ZNF532: variants seen among roughly 807,000 people sequenced by gnomAD.
ZNF532 encodes zinc finger protein 532.
Under a neutral mutation model 89.3 loss-of-function variants are expected in ZNF532, and 22 were observed. The ratio of observed to expected loss-of-function variants is 0.25; its 90% CI spans 0.18 to 0.35. The LOEUF (loss-of-function observed/expected upper bound fraction) is 0.35. Among genes scored for constraint, ZNF532 ranks in the 10% least tolerant of loss-of-function variants. The probability of loss-of-function intolerance (pLI) is 1.00; values close to 1 mark genes in which losing one functional copy is unlikely to be tolerated. For missense variants in ZNF532, 1,132 were observed against 1,643.4 expected (o/e 0.69, Z 5.38); for synonymous variants, 606 against 649.6 (o/e 0.93, Z 1.02).
At chr18:58,964,450 T>C (rs1165670034) in intron 7 of ZNF532, among the ~76,000 whole-genome samples, 1 of 152,198 alleles carries the variant, frequency 6.6e-6, no homozygotes, top group Non-Finnish European at 1.5e-5. Context: ...TAAGAGTTTG[T>C]ATATTCATGC....
chr18:58,980,574 T>C (rs1286531504), intron 8 of ZNF532: 2 of 152,256 alleles, frequency 1.3e-5, no homozygotes, highest in African/African-American at 4.8e-5. Context: ...AAGAGACTTT[T>C]TGTCCTTCCC....
intron 2 of ZNF532, among the ~76,000 whole-genome samples, chr18:58,888,724 T>TATA (rs753186648): frequency 0.018 from 669 of 37,784 alleles, 37 homozygotes; most frequent in African/African-American, 0.053. Context: ...TATATATATA[T>TATA]AAATTATATA....
chr18:58,965,937 C>G (rs2065877085), intron 7 of ZNF532, among the ~76,000 whole-genome samples: 1 of 152,078 alleles, frequency 6.6e-6, no homozygotes, highest in African/African-American at 2.4e-5. Flanking sequence ...TTTCTTGACT[C>G]CAGGAGTTAT....
At position 58,948,961 on chromosome 18, in the gene ZNF532, G is replaced by GT. The variant is rs146408442; in HGVS notation, c.2868+738dup. On this transcript the variant is annotated intron_variant, in intron 6 of 9. Coordinates refer to ENST00000591808, the MANE Select transcript of ZNF532 (RefSeq NM_001375912.1). The stretch of plus-strand genomic sequence containing the variant: ...TATTGGTATATTTAGAAAAATGAAG[G>GT]TTTTTTCCCTTGAAATTATTTAAGC... Among the ~76,000 whole-genome samples, 237 of 151,922 alleles carry GT rather than the reference G, an allele frequency of 1.6e-3. 1 individual carries two copies. The highest frequency in any genetic ancestry group is 5.3e-3 in the African/African-American group (218 of 41,430).
At chr18:58,939,260 A>AAC (rs1555737200) in intron 4 of ZNF532, among the ~76,000 whole-genome samples, 185 bp from the exon 5 acceptor site, 1 of 148,798 alleles carries the variant, frequency 6.7e-6, no homozygotes, top group African/African-American at 2.5e-5. Flanking sequence ...AAAAAAAAAA[A>AAC]AAAAAAAAAA....
intron 3 of ZNF532, chr18:58,931,588 C>T (rs943390884): frequency 2.6e-5 from 4 of 152,066 alleles, no homozygotes; most frequent in Admixed American, 6.5e-5. Flanking sequence ...CTATTGATAC[C>T]ATGCAAGCAT....
In ZNF532 at chr18:58,920,009, G is replaced by T. The variant is rs138145916; in HGVS notation, c.1722G>T (p.Ser574=). Residue 574 remains serine, a synonymous_variant, in exon 3 of 10, where the codon TCG becomes TCT. Transcript: ENST00000591808. ...PKKVSRVQVV[S]SLQSSVVEAF... is the part of the protein sequence containing the mutation. ...AGGTGTCTCGAGTCCAGGTGGTGTCGTCCTTGCAGAGTTCTGTGGTGGAAG... is the reference window on the plus strand; with the variant it reads ...AGGTGTCTCGAGTCCAGGTGGTGTCTTCCTTGCAGAGTTCTGTGGTGGAAG... 6.2e-7 allele frequency: 1 copy of T among 1,613,636 alleles called. No homozygotes were observed. The highest frequency in any genetic ancestry group is 8.5e-7 in the Non-Finnish European group (1 of 1,179,714).
chr18:58,899,775 T>G (rs1468407936), intron 2 of ZNF532, among the ~76,000 whole-genome samples: 2 of 152,186 alleles, frequency 1.3e-5, no homozygotes, highest in Admixed American at 1.3e-4. Context: ...CCTGAAACAC[T>G]CTTTTTAGTC....
At chr18:58,912,967 G>T (rs540372985) in intron 2 of ZNF532, among the ~76,000 whole-genome samples, 1 of 152,084 alleles carries the variant, frequency 6.6e-6, no homozygotes, top group African/African-American at 2.4e-5. Flanking sequence ...CATGTCCCCA[G>T]CTGGTTTAGG....
chr18:58,956,878 A>G (rs1217259424), intron 7 of ZNF532, among the ~76,000 whole-genome samples: 1 of 152,192 alleles, frequency 6.6e-6, no homozygotes, highest in Non-Finnish European at 1.5e-5. Context: ...TTTCTGTCCT[A>G]GAAACATTTA....
intron 6 of ZNF532, among the ~76,000 whole-genome samples, chr18:58,951,943 G>A (rs1003039202): frequency 4.6e-5 from 7 of 152,088 alleles, no homozygotes; most frequent in African/African-American, 7.2e-5. Context: ...GCCACTGCGC[G>A]TGGCCCACCT....
intron 2 of ZNF532, among the ~76,000 whole-genome samples, chr18:58,885,785 C>T (rs182256940): frequency 2.1e-3 from 320 of 150,550 alleles, no homozygotes; most frequent in African/African-American, 7.3e-3. Context: ...ACCCGGGAGG[C>T]GGAGGTTGCA....
chr18:58,929,360 CTG>C lies in ZNF532; in HGVS notation c.2347-5071_2347-5070del, dbSNP rs138185978. On this transcript the variant is annotated intron_variant, in intron 3 of 9. Transcript: ENST00000591808. Reference sequence around the variant, plus strand: ...GGGCATCGTTAATACAACATACTAACTGTATTCTCGTGAGCAGCCTCTGCTGG... The same window carrying C: ...GGGCATCGTTAATACAACATACTAACTATTCTCGTGAGCAGCCTCTGCTGG... Among the ~76,000 whole-genome samples, 866 of 152,318 alleles carry C rather than the reference CTG, an allele frequency of 5.7e-3. 1 individual carries two copies. The highest frequency in any genetic ancestry group is 0.01 in the Middle Eastern group (3 of 294).
chr18:58,974,706 C>G (rs1484168953), intron 7 of ZNF532, among the ~76,000 whole-genome samples: 1 of 152,190 alleles, frequency 6.6e-6, no homozygotes, highest in Non-Finnish European at 1.5e-5. Context: ...GGGCCTCCCT[C>G]TCAACTGTGG....
intron 6 of ZNF532, 31 bp downstream of exon 6, chr18:58,948,260 G>A (rs776683027): frequency 1.3e-6 from 2 of 1,574,082 alleles, no homozygotes; most frequent in African/African-American, 2.7e-5. Flanking sequence ...TACTTTAAAT[G>A]AATTGCAGAT....
At chr18:58,938,749 C>A (rs2062690271) in intron 4 of ZNF532, among the ~76,000 whole-genome samples, 1 of 152,146 alleles carries the variant, frequency 6.6e-6, no homozygotes, top group Non-Finnish European at 1.5e-5. Context: ...GGTTTAGACA[C>A]TGAAGATTTC....
chr18:58,983,336 TC>T (rs1484405308), intron 9 of ZNF532, among the ~76,000 whole-genome samples: 2 of 151,966 alleles, frequency 1.3e-5, no homozygotes, highest in Non-Finnish European at 2.9e-5. Context: ...CCAGAGGCTC[TC>T]AGTCTAAAAG....
intron 2 of ZNF532, among the ~76,000 whole-genome samples, chr18:58,889,925 T>TA: frequency 6.6e-6 from 1 of 151,174 alleles, no homozygotes; most frequent in East Asian, 1.9e-4. Flanking sequence ...CTACTAAAAA[T>TA]AAAAAATTAG....
chr18:58,909,402 A>G (rs1369347005), intron 2 of ZNF532, among the ~76,000 whole-genome samples: 1 of 150,184 alleles, frequency 6.7e-6, no homozygotes, highest in African/African-American at 2.5e-5. Flanking sequence ...CATCCCAGCA[A>G]TGGAAAGACG....
Sources: allele counts gnomAD v4.1 joint callset (sites outside exome capture counted in the v4.1 genomes callset), GRCh38; gene constraint gnomAD v4.1.1; transcripts MANE v1.5; gene names NCBI Gene and HGNC (gene_info 2026-07-23, HGNC 2026-07-21).